The following APC variants were observed in gnomAD, a reference collection of about 807,000 sequenced individuals.
APC encodes adenomatous polyposis coli protein.
In APC, 72 loss-of-function variants were observed where a neutral mutation model predicts 247.0. That is an observed-to-expected ratio of 0.29 (90% CI 0.24 to 0.35). The LOEUF (loss-of-function observed/expected upper bound fraction) is 0.35, where lower values mean the gene tolerates loss of function less well. Among genes scored for constraint, APC ranks in the 10% least tolerant of loss-of-function variants. The pLI, the probability that APC is intolerant of heterozygous loss-of-function variation, is 1.00. For synonymous variants in APC, 1,254 were observed against 1,162.5 expected (o/e 1.08, Z -1.60); for missense variants, 3,400 against 3,360.7 (o/e 1.01, Z -0.29).
At position 112,773,308 on chromosome 5, in the gene APC, A is replaced by G. The variant is rs143025656; in HGVS notation, c.423-2321A>G. On this transcript the variant is annotated intron_variant, in intron 4 of 15. Coordinates refer to ENST00000257430, the MANE Select transcript of APC (RefSeq NM_000038.6). ...CAAGCAGAACTTTTAAAGTAATAGT[A>G]TCAGAGTGGGGAACGTCTCTCTGTA... 4.4e-3 allele frequency among the ~76,000 whole-genome samples: 670 copies of G among 152,314 alleles called. 6 individuals carry two copies. The highest frequency in any genetic ancestry group is 0.016 in the African/African-American group (647 of 41,568).
At chr5:112,766,731 T>C (rs1464430222) in intron 3 of APC, among the ~76,000 whole-genome samples, 1 of 152,192 alleles carries the variant, frequency 6.6e-6, no homozygotes, top group Non-Finnish European at 1.5e-5. Context: ...TGCCATAGAC[T>C]TGAGCCTACT....
At chr5:112,764,739 A>G (rs1247879274) in intron 2 of APC, among the ~76,000 whole-genome samples, 1 of 152,192 alleles carries the variant, frequency 6.6e-6, no homozygotes, top group Non-Finnish European at 1.5e-5. Flanking sequence ...AGAAATAAGG[A>G]TAAGATTAAA....
At chr5:112,734,448 GA>G (rs1752262756), upstream of APC, among the ~76,000 whole-genome samples, 1 of 152,026 alleles carries the variant, frequency 6.6e-6, no homozygotes, top group African/African-American at 2.4e-5. Flanking sequence ...TTCTAAATCT[GA>G]GCTTTATTTG....
At chr5:112,746,871 A>G (rs1753743941) in intron 1 of APC, among the ~76,000 whole-genome samples, 1 of 152,246 alleles carries the variant, frequency 6.6e-6, no homozygotes, top group South Asian at 2.1e-4. Context: ...CTTACAGATT[A>G]TATGATTGCA....
intron 7 of APC, among the ~76,000 whole-genome samples, chr5:112,799,522 A>G (rs999937837): frequency 4.6e-5 from 7 of 152,138 alleles, no homozygotes; most frequent in Non-Finnish European, 7.3e-5. Flanking sequence ...ATATTAATAC[A>G]TTAGCCTCCT....
intron 1 of APC, among the ~76,000 whole-genome samples, chr5:112,721,809 C>T (rs532572184): frequency 3.3e-5 from 5 of 152,090 alleles, no homozygotes; most frequent in African/African-American, 1.2e-4. Flanking sequence ...CCTTGGGCCT[C>T]GTTGGCAAAT....
intron 9 of APC, among the ~76,000 whole-genome samples, chr5:112,817,687 C>A (rs1396473856): frequency 6.6e-6 from 1 of 152,050 alleles, no homozygotes; most frequent in Non-Finnish European, 1.5e-5. Flanking sequence ...AATATTAAGA[C>A]CCTAGTATGT....
chr5:112,791,660 T>G (rs904588518), intron 6 of APC, among the ~76,000 whole-genome samples: 1 of 152,158 alleles, frequency 6.6e-6, no homozygotes, highest in Non-Finnish European at 1.5e-5. Flanking sequence ...GCCAAAAAGG[T>G]TGGGGACCCT....
At chr5:112,770,709 T>G (rs1244615036) in intron 4 of APC, among the ~76,000 whole-genome samples, 1 of 152,168 alleles carries the variant, frequency 6.6e-6, no homozygotes, top group African/African-American at 2.4e-5. Flanking sequence ...TCTATAACTC[T>G]AAATAATATG....
At chr5:112,735,264 C>T (rs925732947), upstream of APC, among the ~76,000 whole-genome samples, 4 of 151,994 alleles carry the variant, frequency 2.6e-5, no homozygotes, top group African/African-American at 9.7e-5. Context: ...CAACCTCTGC[C>T]TCCTGGGTTC....
chr5:112,738,659 C>G (rs2020383), intron 1 of APC, among the ~76,000 whole-genome samples: 2 of 151,882 alleles, frequency 1.3e-5, no homozygotes, highest in South Asian at 2.1e-4. Flanking sequence ...TCTGTTAGGC[C>G]GAAAAGACAA....
chr5:112,788,877 T>G (rs1434372530), intron 6 of APC, among the ~76,000 whole-genome samples: 1 of 152,196 alleles, frequency 6.6e-6, no homozygotes, highest in African/African-American at 2.4e-5. Context: ...TAATGACAGT[T>G]TGTTTATCCT....
At chr5:112,715,958 G>T (rs943672748) in intron 1 of APC, among the ~76,000 whole-genome samples, 8 of 152,240 alleles carry the variant, frequency 5.3e-5, no homozygotes, top group Admixed American at 5.2e-4. Flanking sequence ...TTTAATGGCT[G>T]CAGGAAAAGA....
At chr5:112,819,791 T>G (rs1223341890) in intron 10 of APC, among the ~76,000 whole-genome samples, 1 of 152,162 alleles carries the variant, frequency 6.6e-6, no homozygotes, top group African/African-American at 2.4e-5. Flanking sequence ...TGTTATTTGC[T>G]CCTCACATCA....
Position 112,846,101 on chromosome 5 carries a change from C to A in APC, c.*1975C>A. ...AATGCCTGTACTGTGTCTACTGCAC[C>A]ACTTTGTAAACACTTCAATTTACTA... On this transcript the variant is annotated 3_prime_UTR_variant, in exon 16 of 16. Transcript: ENST00000257430. The A allele has an allele frequency of 4.3e-6, 1 of 232,268 alleles. No homozygotes were observed. The allele number at this position is 232,268 out of a possible 1,614,324, so 14.4% of individuals were successfully genotyped here.
Position 112,840,189 on chromosome 5 carries a change from A to G in APC, c.4595A>G (p.Asp1532Gly), listed in dbSNP as rs904971132. The change falls in exon 16 of 16, where the codon GAC becomes GGC. Residue 1532 changes from aspartate (D) to glycine (G), a missense_variant. By Grantham distance (94) the Asp-to-Gly change is moderately conservative. This residue lies in a region of APC where 1,788 missense variants were observed against 1,649.5 expected (regional missense o/e 1.08). Coordinates refer to ENST00000257430, the MANE Select transcript of APC (RefSeq NM_000038.6). This position sits in a 1 kb window ranked among gnomAD's most constrained non-coding sequence, Gnocchi z 4.1. ...ATAATGCCTCCAGTTCAGGAAAATG[A>G]CAATGGGAATGAAACAGAATCAGAG... ...LRIMPPVQENDNGNETESEQP... is the reference protein window; with the variant it reads ...LRIMPPVQENGNGNETESEQP... 4 of 1,614,220 alleles carry G rather than the reference A, an allele frequency of 2.5e-6. No homozygotes were observed. The highest frequency in any genetic ancestry group is 3.4e-6 in the Non-Finnish European group (4 of 1,180,024).
Position 112,840,926 on chromosome 5 carries a change from C to G in APC, c.5332C>G (p.Pro1778Ala), listed in dbSNP as rs1561599316. The stretch of plus-strand genomic sequence containing the variant: ...AAAGAAACCAACTTCACCAGTAAAA[C>G]CTATACCACAAAATACTGAATATAG... ...KKKKPTSPVK[P>A]IPQNTEYRTR... is the part of the protein sequence containing the mutation. The change falls in exon 16 of 16, where the codon CCT (proline) becomes GCT (alanine). Residue 1778 changes from proline (P) to alanine (A), a missense_variant. Transcript: ENST00000257430. The surrounding 1 kb of genome is among the most constrained non-coding windows in gnomAD (Gnocchi z 4.1). 1.2e-6 allele frequency: 2 copies of G among 1,613,772 alleles called. No individual in the cohort carries two copies. Among genetic ancestry groups the G allele is most frequent in the Non-Finnish European group, 1.7e-6 (2 of 1,179,766 alleles).
chr5:112,732,997 A>G (rs2149674429), upstream of APC, among the ~76,000 whole-genome samples: 1 of 152,362 alleles, frequency 6.6e-6, no homozygotes, highest in Non-Finnish European at 1.5e-5. Context: ...GGAGTAGTCA[A>G]GCCTTAGAAA....
chr5:112,811,153 A>C (rs79721140), intron 8 of APC, among the ~76,000 whole-genome samples: 2 of 152,246 alleles, frequency 1.3e-5, no homozygotes, highest in Admixed American at 1.3e-4. Context: ...ATGGTACAGG[A>C]AAGTTGGATA....
Sources: allele counts gnomAD v4.1 joint callset (sites outside exome capture counted in the v4.1 genomes callset), GRCh38; gene constraint gnomAD v4.1.1; regional missense constraint gnomAD v4.1.1; non-coding constraint Gnocchi (gnomAD v3.1); transcripts MANE v1.5; gene names NCBI Gene and HGNC (gene_info 2026-07-23, HGNC 2026-07-21).